The following EML5 variants were observed in gnomAD, a reference collection of about 807,000 sequenced individuals.
EML5 encodes the protein echinoderm microtubule-associated protein-like 5.
EML5 carries 120 observed loss-of-function variants against 250.0 expected under a neutral mutation model. The ratio of observed to expected loss-of-function variants is 0.48; its 90% CI spans 0.41 to 0.56. The LOEUF is 0.56. Ranked by LOEUF, EML5 falls within the 20% of genes least tolerant of loss-of-function variation. EML5 has a pLI of 0.00. For synonymous variants in EML5, 771 were observed against 806.5 expected (o/e 0.96, Z 0.75); for missense variants, 2,006 against 2,437.6 (o/e 0.82, Z 3.73).
chr14:88,792,929 G>T lies in EML5; in HGVS notation c.-426C>A, dbSNP rs924932313. On this transcript the variant is annotated 5_prime_UTR_variant, in exon 1 of 44. Coordinates refer to ENST00000554922, the MANE Select transcript of EML5 (RefSeq NM_183387.3). The surrounding 1 kb of genome is among the most constrained non-coding windows in gnomAD (Gnocchi z 6.9). ...AGCCACAGCCTGGCGGACCCGCGCC[G>T]CGCACCCCGAAACCGAGCGAGCCGA... Among the ~76,000 whole-genome samples the T allele has an allele frequency of 2.3e-4, 34 of 150,914 alleles. No individual in the cohort carries two copies. Among genetic ancestry groups the T allele is most frequent in the Non-Finnish European group, 4.6e-4 (31 of 67,840 alleles).
In EML5 at chr14:88,620,688, G is replaced by A. The variant is rs2088733873; in HGVS notation, c.5375+66C>T. ...ACCTCTTTTTGAAGGCAAGGCTATG[G>A]AAAATTTTACAAATGGAAGTTAAAT... On this transcript the variant is annotated intron_variant, in intron 39 of 43. Coordinates refer to ENST00000554922, the MANE Select transcript of EML5 (RefSeq NM_183387.3). This position sits in a 1 kb window ranked among gnomAD's most constrained non-coding sequence, Gnocchi z 4.3. 3 of 1,369,568 alleles carry A rather than the reference G, an allele frequency of 2.2e-6. No homozygotes were observed. Among genetic ancestry groups the A allele is most frequent in the Non-Finnish European group, 2.9e-6 (3 of 1,051,500 alleles). The allele number at this position is 1,369,568 out of a possible 1,614,324, so 84.8% of individuals were successfully genotyped here.
At chr14:88,779,658 T>C (rs1336987804) in intron 1 of EML5, among the ~76,000 whole-genome samples, 1 of 152,220 alleles carries the variant, frequency 6.6e-6, no homozygotes, top group Admixed American at 6.5e-5. Context: ...ATATATCCTC[T>C]GCTCTCTGAT....
rs1240968572 is a variant in EML5 at position 88,626,643 on chromosome 14, CT to C, written c.4740+194del. The C allele has an allele frequency of 1.9e-5, 12 of 624,262 alleles. No homozygotes were observed. The East Asian group carries it at 2.6e-4, about 13-fold the overall frequency. 38.7% of individuals were successfully genotyped at this position (624,262 alleles called of 1,614,324 possible). ...AAAAAAAAAAAAAATCCTTTTCCCC[CT>C]CTCATTAACATTCTTTTCACTCCCT... On this transcript the variant is annotated intron_variant, in intron 35 of 43. Transcript: ENST00000554922.
At chr14:88,668,351 G>A (rs2092364134) in intron 21 of EML5, among the ~76,000 whole-genome samples, 1 of 151,914 alleles carries the variant, frequency 6.6e-6, no homozygotes, top group Admixed American at 6.6e-5. Flanking sequence ...CACTAGCAAA[G>A]GAAACAGAAA....
intron 17 of EML5, among the ~76,000 whole-genome samples, chr14:88,691,362 C>T (rs1236658018): frequency 6.6e-6 from 1 of 152,080 alleles, no homozygotes; most frequent in Admixed American, 6.6e-5. Context: ...TACATAATAC[C>T]CTTGATTTTG....
rs928193237 is a variant in EML5 at position 88,615,203 on chromosome 14, C to G, written c.*615G>C. 6.6e-6 allele frequency: 1 copy of G among 152,086 alleles called. No homozygotes were observed. Among genetic ancestry groups the G allele is most frequent in the African/African-American group, 2.4e-5 (1 of 41,412 alleles). 9.4% of individuals were successfully genotyped at this position (152,086 alleles called of 1,614,324 possible). On this transcript the variant is annotated 3_prime_UTR_variant, in exon 44 of 44. Transcript: ENST00000554922. The stretch of plus-strand genomic sequence containing the variant: ...TATACTGCTAACTTTGGATCTGTTC[C>G]TGAATTCAAAACTACTAGGAGAAAA...
intron 1 of EML5, among the ~76,000 whole-genome samples, chr14:88,790,332 A>G (rs2094593082): frequency 6.6e-6 from 1 of 152,234 alleles, no homozygotes; most frequent in Admixed American, 6.5e-5. Context: ...ATAAGCATGT[A>G]TATTCAACGA....
intron 1 of EML5, among the ~76,000 whole-genome samples, chr14:88,764,032 A>T (rs2094287313): frequency 6.6e-6 from 1 of 152,246 alleles, no homozygotes; most frequent in Non-Finnish European, 1.5e-5. Flanking sequence ...TTATATAGCG[A>T]ATTACACTGA....
intron 40 of EML5, 111 bp from the exon 41 acceptor site, chr14:88,618,442 A>T: frequency 8.8e-7 from 1 of 1,132,518 alleles, no homozygotes; most frequent in Admixed American, 2.2e-5. Context: ...GTCTAACATT[A>T]TTAAGTATGC....
At chr14:88,629,038 G>A (rs1477830270) in intron 33 of EML5, among the ~76,000 whole-genome samples, 1 of 151,822 alleles carries the variant, frequency 6.6e-6, no homozygotes, top group Non-Finnish European at 1.5e-5. Flanking sequence ...GTACCCCAAG[G>A]CATAGGTAAA....
chr14:88,748,407 G>A (rs1436416394), intron 2 of EML5, among the ~76,000 whole-genome samples: 3 of 152,290 alleles, frequency 2.0e-5, no homozygotes, highest in Non-Finnish European at 4.4e-5. Flanking sequence ...GTCAGGAGGA[G>A]AGTGTCATAC....
intron 27 of EML5, among the ~76,000 whole-genome samples, chr14:88,652,357 CG>C (rs1488322323): frequency 3.9e-5 from 6 of 152,092 alleles, no homozygotes; most frequent in Non-Finnish European, 5.9e-5. Context: ...CCTGGCAACG[CG>C]GGGGTCAGTC....
intron 7 of EML5, among the ~76,000 whole-genome samples, chr14:88,734,727 C>A (rs1217259956): frequency 6.6e-6 from 1 of 152,082 alleles, no homozygotes; most frequent in Non-Finnish European, 1.5e-5. Flanking sequence ...TCTCATCAAA[C>A]CTCTAAATCT....
intron 7 of EML5, among the ~76,000 whole-genome samples, chr14:88,728,168 T>C (rs1481013619): frequency 1.3e-5 from 2 of 151,536 alleles, no homozygotes; most frequent in Non-Finnish European, 2.9e-5. Flanking sequence ...GTTAGGCCTA[T>C]GATAGTTGCA....
chr14:88,673,494 C>A (rs887463413), intron 21 of EML5, among the ~76,000 whole-genome samples: 1 of 152,210 alleles, frequency 6.6e-6, no homozygotes, highest in Non-Finnish European at 1.5e-5. Context: ...TCTCACCACT[C>A]CTATTCAACA....
At chr14:88,767,764 T>C (rs1490822048) in intron 1 of EML5, among the ~76,000 whole-genome samples, 3 of 152,322 alleles carry the variant, frequency 2.0e-5, no homozygotes, top group Non-Finnish European at 2.9e-5. Context: ...TACAGTTTTC[T>C]TGTATCCCTC....
intron 23 of EML5, among the ~76,000 whole-genome samples, chr14:88,663,737 G>A (rs2092211679): frequency 6.7e-6 from 1 of 149,810 alleles, no homozygotes; most frequent in Non-Finnish European, 1.5e-5. Context: ...GTCTCACTGT[G>A]TTGCCCAGGC....
chr14:88,686,733 T>A (rs1047285854), intron 19 of EML5, among the ~76,000 whole-genome samples: 2 of 151,848 alleles, frequency 1.3e-5, no homozygotes, highest in Non-Finnish European at 2.9e-5. Context: ...ACCACTTGAG[T>A]CTAGGGGTTC....
At chr14:88,786,487 A>G (rs2094552567) in intron 1 of EML5, among the ~76,000 whole-genome samples, 1 of 152,208 alleles carries the variant, frequency 6.6e-6, no homozygotes, top group South Asian at 2.1e-4. Flanking sequence ...AAGTAAACCA[A>G]GAAATAGATA....
Sources: allele counts gnomAD v4.1 joint callset (sites outside exome capture counted in the v4.1 genomes callset), GRCh38; gene constraint gnomAD v4.1.1; non-coding constraint Gnocchi (gnomAD v3.1); transcripts MANE v1.5; gene names NCBI Gene and HGNC (gene_info 2026-07-23, HGNC 2026-07-21).